The following AQR variants were observed in gnomAD, a reference collection of about 807,000 sequenced individuals.
The protein encoded by AQR is aquarius intron-binding spliceosomal factor.
AQR carries 61 observed loss-of-function variants against 180.5 expected under a neutral mutation model. The observed-to-expected ratio is 0.34, with a 90% CI of 0.28 to 0.42. The LOEUF (loss-of-function observed/expected upper bound fraction) is 0.42. AQR is among the 10% of genes least tolerant of loss of function. AQR has a pLI of 1.00. For missense variants in AQR, 1,281 were observed against 1,798.3 expected (o/e 0.71, Z 5.20); for synonymous variants, 551 against 588.8 (o/e 0.94, Z 0.93).
rs1354453199 is a variant in AQR, at chr15:34,853,885, T to C, written c.*2907A>G. 6.6e-6 allele frequency: 1 copy of C among 152,172 alleles called. No individual in the cohort carries two copies. Among genetic ancestry groups the C allele is most frequent in the Non-Finnish European group, 1.5e-5 (1 of 68,044 alleles). 9.4% of individuals were successfully genotyped at this position (152,172 alleles called of 1,614,324 possible). On this transcript the variant is annotated 3_prime_UTR_variant, in exon 35 of 35. Coordinates refer to ENST00000156471, the MANE Select transcript of AQR (RefSeq NM_014691.3). ...TCTAACCAAATGCTGATAAGCAAATTAGGTACAACTCTGAGCCAGGTCTCG... is the reference window on the plus strand; with the variant it reads ...TCTAACCAAATGCTGATAAGCAAATCAGGTACAACTCTGAGCCAGGTCTCG...
At chr15:34,955,183 A>G (rs563280709) in intron 3 of AQR, among the ~76,000 whole-genome samples, 1 of 152,324 alleles carries the variant, frequency 6.6e-6, no homozygotes, top group Admixed American at 6.5e-5. Context: ...ACAAATATAA[A>G]TAATTTGAAG....
intron 5 of AQR, among the ~76,000 whole-genome samples, chr15:34,947,513 AAATAAT>A (rs573279543): frequency 1.5e-4 from 22 of 145,174 alleles, no homozygotes; most frequent in African/African-American, 4.0e-4. Context: ...TCAATAAAAA[AAATAAT>A]AATAATAATA....
intron 17 of AQR, among the ~76,000 whole-genome samples, chr15:34,908,179 C>T (rs769777289): frequency 5.9e-5 from 9 of 152,122 alleles, no homozygotes; most frequent in African/African-American, 1.4e-4. Flanking sequence ...CAGCTGGGCA[C>T]GGTGGCTCAC....
At chr15:34,861,317 GA>G (rs1892668496) in intron 33 of AQR, among the ~76,000 whole-genome samples, 1 of 152,174 alleles carries the variant, frequency 6.6e-6, no homozygotes, top group Non-Finnish European at 1.5e-5. Context: ...ATGCTATTAT[GA>G]CTAGGAACAT....
intron 5 of AQR, among the ~76,000 whole-genome samples, chr15:34,945,825 G>A (rs1479719629): frequency 6.6e-6 from 1 of 152,152 alleles, no homozygotes; most frequent in Admixed American, 6.5e-5. Flanking sequence ...GACTGGAAGA[G>A]AAGAAACTCT....
intron 3 of AQR, among the ~76,000 whole-genome samples, chr15:34,955,905 T>A (rs1380484542): frequency 7.6e-6 from 1 of 131,654 alleles, no homozygotes; most frequent in Non-Finnish European, 1.6e-5. Flanking sequence ...CGAAACTCCA[T>A]CTCAAAAAAA....
chr15:34,906,479 A>G, intron 18 of AQR, 66 bp downstream of exon 18: 1 of 1,552,560 alleles, frequency 6.4e-7, no homozygotes, highest in Non-Finnish European at 8.7e-7. Flanking sequence ...AGAAGCAAAA[A>G]GGGAAAAAGG....
intron 24 of AQR, among the ~76,000 whole-genome samples, chr15:34,887,093 C>T (rs1281278653): frequency 6.6e-6 from 1 of 151,610 alleles, no homozygotes; most frequent in East Asian, 1.9e-4. Flanking sequence ...CCACTGCACT[C>T]CAGCCTGGGC....
At chr15:34,906,459 AT>A in intron 18 of AQR, 85 bp downstream of exon 18, 2 of 1,501,282 alleles carry the variant, frequency 1.3e-6, no homozygotes, top group Non-Finnish European at 1.8e-6. Context: ...GAACTAAAAA[AT>A]ATTACCTAAG....
At chr15:34,893,859 G>A in intron 22 of AQR, 86 bp from the exon 23 acceptor site, 1 of 1,172,992 alleles carries the variant, frequency 8.5e-7, no homozygotes, top group Non-Finnish European at 1.3e-6. Context: ...AGACCTGAAA[G>A]ATAAAATTAA....
rs1488090879 is a variant in AQR, at chr15:34,938,759, C to T, written c.696G>A (p.Val232=). 6.2e-7 allele frequency: 1 copy of T among 1,606,836 alleles called. No homozygotes were observed. The highest frequency in any genetic ancestry group is 8.5e-7 in the Non-Finnish European group (1 of 1,174,790). ...LSQLIQKFIS[V]LKSVPLSEPV... Reference sequence around the variant, plus strand: ...TACCAGAAAGTGGGACTGATTTCAGCACAGAGATAAACTTCTGGATGAGTT... The same window carrying T: ...TACCAGAAAGTGGGACTGATTTCAGTACAGAGATAAACTTCTGGATGAGTT... The change falls in exon 9 of 35, where the codon GTG becomes GTA. Residue 232 remains valine (V), a synonymous_variant. Coordinates refer to ENST00000156471, the MANE Select transcript of AQR (RefSeq NM_014691.3).
chr15:34,884,713 A>ACTC lies in AQR; in HGVS notation c.2836_2838dup (p.Glu946dup). ...CCTTTATTTTTCACTTTGCTGATAT[A>ACTC]CTCTTCCCAGCGAGACATTACCTGT... On this transcript the variant is annotated inframe_insertion, in exon 26 of 35. Transcript: ENST00000156471. 2 of 1,603,620 alleles carry ACTC rather than the reference A, an allele frequency of 1.2e-6. No homozygotes were observed. Among genetic ancestry groups the ACTC allele is most frequent in the Non-Finnish European group, 1.7e-6 (2 of 1,177,074 alleles).
chr15:34,894,897 G>A (rs1893208699), intron 22 of AQR, among the ~76,000 whole-genome samples: 1 of 151,642 alleles, frequency 6.6e-6, no homozygotes, highest in Non-Finnish European at 1.5e-5. Context: ...AGGCACAGTG[G>A]CTCACACCTG....
intron 5 of AQR, among the ~76,000 whole-genome samples, chr15:34,946,964 G>A (rs1308171847): frequency 6.6e-6 from 1 of 150,646 alleles, no homozygotes; most frequent in East Asian, 2.0e-4. Flanking sequence ...CGCCTACTGG[G>A]AAGTGAGGAG....
chr15:34,902,347 G>A (rs1321729886), intron 19 of AQR, among the ~76,000 whole-genome samples: 1 of 152,056 alleles, frequency 6.6e-6, no homozygotes, highest in Non-Finnish European at 1.5e-5. Flanking sequence ...TGTACAAACT[G>A]GAAAAGAGAA....
chr15:34,893,762 T>A lies in AQR; in HGVS notation c.2472A>T (p.Pro824=). ...MQPGLTMVVG[P]PGTGKTDVAV... Reference sequence around the variant, plus strand: ...CCACATCTGTTTTGCCTGTACCAGGTGGGCCCACAACCTAAAAAGAAGATG... The same window carrying A: ...CCACATCTGTTTTGCCTGTACCAGGAGGGCCCACAACCTAAAAAGAAGATG... The change falls in exon 23 of 35, where the codon CCA becomes CCT. Residue 824 remains proline, a synonymous_variant. Transcript: ENST00000156471. 2 of 1,614,054 alleles carry A rather than the reference T, an allele frequency of 1.2e-6. No homozygotes were observed. Among genetic ancestry groups the A allele is most frequent in the Non-Finnish European group, 1.7e-6 (2 of 1,179,980 alleles).
chr15:34,967,877 G>A (rs555481366), intron 1 of AQR, among the ~76,000 whole-genome samples: 1 of 152,082 alleles, frequency 6.6e-6, no homozygotes, highest in South Asian at 2.1e-4. Context: ...GCAATGGTGC[G>A]ATCTTGGCTC....
chr15:34,902,889 C>A (rs182480666), intron 19 of AQR, among the ~76,000 whole-genome samples: 238 of 152,222 alleles, frequency 1.6e-3, no homozygotes, highest in African/African-American at 5.6e-3. Context: ...AAAACAAAGA[C>A]CCTGCCCTCA....
At chr15:34,896,229 C>T (rs1449264484) in intron 22 of AQR, among the ~76,000 whole-genome samples, 2 of 152,124 alleles carry the variant, frequency 1.3e-5, no homozygotes, top group East Asian at 3.9e-4. Context: ...TGGCCATAAG[C>T]AATGCAGAAA....
Sources: allele counts gnomAD v4.1 joint callset (sites outside exome capture counted in the v4.1 genomes callset), GRCh38; gene constraint gnomAD v4.1.1; transcripts MANE v1.5; gene names NCBI Gene and HGNC (gene_info 2026-07-23, HGNC 2026-07-21).